MEF2D: variants seen among roughly 807,000 people sequenced by gnomAD.
MEF2D encodes myocyte enhancer factor 2D.
Under a neutral mutation model 59.3 loss-of-function variants are expected in MEF2D, and 10 were observed. The observed-to-expected ratio is 0.17, with a 90% CI of 0.10 to 0.29. MEF2D has a LOEUF of 0.29. Ranked by LOEUF, MEF2D falls within the 10% of genes least tolerant of loss-of-function variation. The probability of loss-of-function intolerance (pLI) is 1.00; values close to 1 mark genes in which losing one functional copy is unlikely to be tolerated. For missense variants in MEF2D, 508 were observed against 699.4 expected (o/e 0.73, Z 3.09); for synonymous variants, 305 against 295.0 (o/e 1.03, Z -0.35).
At chr1:156,498,636 T>C (rs75468652) in intron 1 of MEF2D, among the ~76,000 whole-genome samples, 7 of 124,448 alleles carry the variant, frequency 5.6e-5, no homozygotes, top group Admixed American at 2.4e-4. Flanking sequence ...ACCAGAGACC[T>C]CTCCCTTTAC....
chr1:156,467,897 G>C (rs1239005808), intron 11 of MEF2D, 96 bp downstream of exon 11: 12 of 1,456,198 alleles, frequency 8.2e-6, no homozygotes, highest in Non-Finnish European at 1.1e-5. Flanking sequence ...CGGCCACAAG[G>C]CCTCTTGGGT....
rs1201647370 is a variant in MEF2D, at chr1:156,468,275, C to T, written c.1272G>A (p.Val424=). ...NLIPGSPLPH[V]GAALTVTTHP... ...GGGTGGTGACTGTGAGGGCAGCACCCACGTGGGGCAGGGGGCTGCCCGGGC... is the reference window on the plus strand; with the variant it reads ...GGGTGGTGACTGTGAGGGCAGCACCTACGTGGGGCAGGGGGCTGCCCGGGC... The change falls in exon 11 of 12, where the codon GTG becomes GTA. Residue 424 remains valine, a synonymous_variant. Coordinates refer to ENST00000348159, the MANE Select transcript of MEF2D (RefSeq NM_005920.4). The surrounding 1 kb of genome is among the most constrained non-coding windows in gnomAD (Gnocchi z 4.3). 1 of 1,567,588 alleles carries T rather than the reference C, an allele frequency of 6.4e-7. No individual in the cohort carries two copies. The highest frequency in any genetic ancestry group is 8.7e-7 in the Non-Finnish European group (1 of 1,154,462).
At chr1:156,487,379 A>C (rs938713523) in intron 1 of MEF2D, among the ~76,000 whole-genome samples, 2 of 152,160 alleles carry the variant, frequency 1.3e-5, no homozygotes, top group Non-Finnish European at 2.9e-5. Flanking sequence ...CCCTTTCCCC[A>C]CTGCTGCTCC....
intron 9 of MEF2D, among the ~76,000 whole-genome samples, chr1:156,474,031 C>T (rs970135248): frequency 6.6e-6 from 1 of 152,200 alleles, no homozygotes; most frequent in Non-Finnish European, 1.5e-5. Flanking sequence ...CCACGTCCCC[C>T]TCACCACTCC....
At chr1:156,480,616 G>A (rs761991366) in intron 4 of MEF2D, 1 of 1,533,666 alleles carries the variant, frequency 6.5e-7, no homozygotes, top group South Asian at 1.2e-5. Context: ...GCACCACAGG[G>A]AGGCTCTGCT....
rs945596026 is a variant in MEF2D, at chr1:156,468,431, G to A, written c.1248-132C>T. Reference sequence around the variant, plus strand: ...GAGAATATGGGGGATGGGGTGTTGGGGAGAGGCAATTGGATGGAGAGTGAT... The same window carrying A: ...GAGAATATGGGGGATGGGGTGTTGGAGAGAGGCAATTGGATGGAGAGTGAT... On this transcript the variant is annotated intron_variant, in intron 10 of 11. Transcript: ENST00000348159. This position sits in a 1 kb window ranked among gnomAD's most constrained non-coding sequence, Gnocchi z 4.3. 5.1e-4 allele frequency: 349 copies of A among 681,874 alleles called. 3 individuals are homozygous for A. The highest frequency in any genetic ancestry group is 9.1e-5 in the Admixed American group (3 of 32,814). 42.2% of individuals were successfully genotyped at this position (681,874 alleles called of 1,614,324 possible).
In MEF2D at chr1:156,482,486, G is replaced by A; in HGVS notation, c.209C>T (p.Thr70Met). Residue 70 changes from threonine to methionine, a missense_variant, in exon 3 of 12, where the codon ACG (threonine) becomes ATG (methionine). Coordinates refer to ENST00000348159, the MANE Select transcript of MEF2D (RefSeq NM_005920.4). ...GCTCTCGTGTGGCTCATTGTACTCC[G>A]TGTACTTGAGCAGCACCTTGTCCAT... ...TDMDKVLLKY[T>M]EYNEPHESRT... 1.9e-6 allele frequency: 3 copies of A among 1,614,188 alleles called. No individual in the cohort carries two copies. The highest frequency in any genetic ancestry group is 2.5e-6 in the Non-Finnish European group (3 of 1,180,040).
intron 9 of MEF2D, among the ~76,000 whole-genome samples, chr1:156,472,931 CG>C (rs903174868): frequency 2.0e-5 from 3 of 152,022 alleles, no homozygotes; most frequent in African/African-American, 7.3e-5. Context: ...AGGATGGTCT[CG>C]ATCTCCTGAC....
chr1:156,495,556 C>T (rs1244887406), intron 1 of MEF2D, among the ~76,000 whole-genome samples: 3 of 152,024 alleles, frequency 2.0e-5, no homozygotes, highest in Middle Eastern at 6.8e-3. Flanking sequence ...CCTGGAGTCC[C>T]AGCTACCTGG....
At chr1:156,493,177 G>T (rs977381723) in intron 1 of MEF2D, among the ~76,000 whole-genome samples, 3 of 152,208 alleles carry the variant, frequency 2.0e-5, no homozygotes, top group African/African-American at 7.2e-5. Context: ...AGAGCTAAGA[G>T]AGAGGGGAAA....
Position 156,477,071 on chromosome 1 carries a change from G to C in MEF2D, c.796C>G (p.Arg266Gly). The change falls in exon 7 of 12, where the codon CGC (arginine) becomes GGC (glycine). Residue 266 changes from arginine to glycine, a missense_variant. Arg to Gly is a moderately radical substitution (Grantham distance 125, BLOSUM62 -2). Coordinates refer to ENST00000348159, the MANE Select transcript of MEF2D (RefSeq NM_005920.4). Reference protein sequence around the residue: ...THSTQLGAPSRKPDLRVITSQ... With the variant: ...THSTQLGAPSGKPDLRVITSQ... ...GTGATGACTCGCAGGTCGGGCTTGC[G>C]GCTGGGGGCTCCAAGCTGGGTGCTG... The C allele has an allele frequency of 6.2e-7, 1 of 1,613,946 alleles. No homozygotes were observed. Among genetic ancestry groups the C allele is most frequent in the Non-Finnish European group, 8.5e-7 (1 of 1,179,882 alleles).
In MEF2D at chr1:156,468,072, G is replaced by T. The variant is rs1243676778; in HGVS notation, c.1475C>A (p.Pro492His). The T allele has an allele frequency of 6.2e-7, 1 of 1,613,974 alleles. No homozygotes were observed. Among genetic ancestry groups the T allele is most frequent in the African/African-American group, 1.3e-5 (1 of 74,920 alleles). ...DRDDGRGDFG[P>H]TLGLLRPAPE... is the part of the protein sequence containing the mutation. Reference sequence around the variant, plus strand: ...GGCTGGGCGCAGCAGGCCCAGTGTGGGCCCGAAGTCCCCCCGTCCGTCATC... The same window carrying T: ...GGCTGGGCGCAGCAGGCCCAGTGTGTGCCCGAAGTCCCCCCGTCCGTCATC... Residue 492 changes from proline to histidine, a missense_variant, in exon 11 of 12, where the codon CCC (proline) becomes CAC (histidine). Pro to His is a moderately conservative substitution (Grantham distance 77). This residue lies in a region of MEF2D where 481 missense variants were observed against 584.7 expected (regional missense o/e 0.82). Transcript: ENST00000348159. This position sits in a 1 kb window ranked among gnomAD's most constrained non-coding sequence, Gnocchi z 4.3.
chr1:156,486,789 ACT>A (rs1672396336), intron 1 of MEF2D, among the ~76,000 whole-genome samples: 1 of 152,098 alleles, frequency 6.6e-6, no homozygotes, highest in Non-Finnish European at 1.5e-5. Context: ...CTTTTTCACT[ACT>A]CTATCTCCTA....
At position 156,482,422 on chromosome 1, in the gene MEF2D, T is replaced by C; in HGVS notation, c.258+15A>G. On this transcript the variant is annotated intron_variant, in intron 3 of 11. Transcript: ENST00000348159. ...AGGCGGGGGTATATCCTGGTGCCTG[T>C]GTGTATGGGCCCACCTCGATGATGT... 2 of 1,613,280 alleles carry C rather than the reference T, an allele frequency of 1.2e-6. No individual in the cohort carries two copies. Among genetic ancestry groups the C allele is most frequent in the Non-Finnish European group, 1.7e-6 (2 of 1,179,952 alleles).
chr1:156,474,984 G>T, intron 9 of MEF2D, 124 bp downstream of exon 9: 1 of 1,383,824 alleles, frequency 7.2e-7, no homozygotes, highest in South Asian at 1.4e-5. Context: ...AGTAGGTGGG[G>T]GTTCCCCCAA....
At position 156,468,469 on chromosome 1, in the gene MEF2D, G is replaced by A. The variant is rs894896671; in HGVS notation, c.1248-170C>T. Among the ~76,000 whole-genome samples the A allele has an allele frequency of 3.3e-5, 5 of 152,170 alleles. No individual in the cohort carries two copies. The highest frequency in any genetic ancestry group is 1.2e-4 in the African/African-American group (5 of 41,484). ...GATGGAGAGTGATCAGAAGAGGGTCGAATGAAGGGAAGAGAAGGGAAATAA... is the reference window on the plus strand; with the variant it reads ...GATGGAGAGTGATCAGAAGAGGGTCAAATGAAGGGAAGAGAAGGGAAATAA... On this transcript the variant is annotated intron_variant, in intron 10 of 11. Transcript: ENST00000348159. This position sits in a 1 kb window ranked among gnomAD's most constrained non-coding sequence, Gnocchi z 4.3.
intron 3 of MEF2D, among the ~76,000 whole-genome samples, chr1:156,482,146 G>A (rs1166493245): frequency 6.6e-6 from 1 of 152,260 alleles, no homozygotes; most frequent in African/African-American, 2.4e-5. Flanking sequence ...AGGCAGGATA[G>A]AGATGTTACA....
chr1:156,479,254 C>T (rs774941582), intron 6 of MEF2D, 36 bp downstream of exon 6: 2 of 1,577,942 alleles, frequency 1.3e-6, no homozygotes, highest in Non-Finnish European at 1.7e-6. Context: ...GCGGGCACCC[C>T]TCCCCACCTC....
At chr1:156,485,522 CTTTTT>C (rs60165062) in intron 1 of MEF2D, among the ~76,000 whole-genome samples, 12 of 131,774 alleles carry the variant, frequency 9.1e-5, no homozygotes, top group Admixed American at 2.3e-4. Context: ...TCTCCTTCTT[CTTTTT>C]TTTTTTTTTT....
Sources: gnomAD v4.1 joint callset for allele counts (sites outside exome capture counted in the v4.1 genomes callset) on GRCh38, gnomAD v4.1.1 for gene constraint, gnomAD v4.1.1 regional missense constraint, Gnocchi (gnomAD v3.1) non-coding constraint, MANE v1.5 for transcripts, NCBI Gene and HGNC (gene_info 2026-07-23, HGNC 2026-07-21) for gene names.